TMEM164: variants seen among roughly 807,000 people sequenced by gnomAD.
TMEM164 encodes the protein transmembrane protein 164, also known as RP13-360B22.2.
TMEM164 carries 4 observed loss-of-function variants against 18.8 expected under a neutral mutation model. The observed-to-expected ratio is 0.21, with a 90% confidence interval of 0.10 to 0.49. The LOEUF (loss-of-function observed/expected upper bound fraction) is 0.49. TMEM164 is among the 20% of genes least tolerant of loss of function. The pLI, the probability that TMEM164 is intolerant of heterozygous loss-of-function variation, is 0.98. For missense variants in TMEM164, 108 were observed against 239.9 expected, an observed-to-expected ratio of 0.45 and a Z score of 3.63; for synonymous variants, 86 against 101.7, an observed-to-expected ratio of 0.85 and a Z score of 0.93.
intron 2 of TMEM164, among the ~76,000 whole-genome samples, chrX:110,034,986 C>T (rs1156912522): frequency 1.1e-4 from 11 of 99,313 alleles, no homozygotes; most frequent in African/African-American, 3.4e-4. Flanking sequence ...AACCAAACAC[C>T]GCATATTCTC....
chrX:110,095,075 T>A (rs1230901877), intron 3 of TMEM164, among the ~76,000 whole-genome samples: 2 of 112,334 alleles, frequency 1.8e-5, no homozygotes, highest in Non-Finnish European at 3.8e-5. Flanking sequence ...CTTCCCTTTG[T>A]GGGTAACCCG....
intron 5 of TMEM164, among the ~76,000 whole-genome samples, chrX:110,156,389 A>C (rs904155470): frequency 1.8e-5 from 2 of 112,255 alleles, no homozygotes; most frequent in African/African-American, 6.5e-5. Flanking sequence ...AGATTAAGAT[A>C]ATTAATATTG....
intron 2 of TMEM164, among the ~76,000 whole-genome samples, chrX:110,020,968 T>TAAA (rs147367236): frequency 1.4e-4 from 6 of 43,640 alleles, no homozygotes; most frequent in Admixed American, 3.2e-4. Flanking sequence ...CCCCTTTTTC[T>TAAA]AAAAAAAAAA....
intron 2 of TMEM164, among the ~76,000 whole-genome samples, chrX:110,008,582 T>C (rs963775554): frequency 9.0e-6 from 1 of 111,390 alleles, no homozygotes; most frequent in African/African-American, 3.3e-5. Flanking sequence ...CCAAGGAAAT[T>C]TGCAGAGAAT....
chrX:110,139,901 T>C (rs2066744380), intron 4 of TMEM164, among the ~76,000 whole-genome samples: 2 of 110,163 alleles, frequency 1.8e-5, no homozygotes, highest in Admixed American at 9.7e-5. Context: ...AGACACAAGG[T>C]GGTGGCTGGA....
At chrX:110,105,679 G>GACACACACACACAC (rs758900532) in intron 3 of TMEM164, among the ~76,000 whole-genome samples, 7 of 65,421 alleles carry the variant, frequency 1.1e-4, no homozygotes, top group Admixed American at 1.9e-4. Context: ...TAGAAACACA[G>GACACACACACACAC]ACACACACAC....
chrX:110,032,487 A>G lies in TMEM164; in HGVS notation c.390+28323A>G, dbSNP rs147531560. Among the ~76,000 whole-genome samples the G allele has an allele frequency of 1.9e-4, 21 of 111,074 alleles. No homozygotes were observed. In the East Asian group the frequency reaches 3.4e-3, roughly 18 times the overall value. On this transcript the variant is annotated intron_variant, in intron 2 of 6. Coordinates refer to ENST00000372068, the MANE Select transcript of TMEM164 (RefSeq NM_032227.4). ...TCTAAAAGCTTAGTTAATTGCCTTC[A>G]TTAGCTTAATATATACCACGTGAAA...
chrX:110,125,040 A>G (rs917749962), intron 4 of TMEM164, among the ~76,000 whole-genome samples: 2 of 112,450 alleles, frequency 1.8e-5, no homozygotes, highest in African/African-American at 6.5e-5. Flanking sequence ...AATCTAGCCA[A>G]ATCACTGTTC....
intron 4 of TMEM164, among the ~76,000 whole-genome samples, chrX:110,117,727 A>G (rs559277759): frequency 8.9e-6 from 1 of 112,559 alleles, no homozygotes; most frequent in African/African-American, 3.2e-5. Flanking sequence ...GAGGACTATA[A>G]AGAAAAAGCT....
chrX:110,125,055 C>T (rs1349309561), intron 4 of TMEM164, among the ~76,000 whole-genome samples: 1 of 112,367 alleles, frequency 8.9e-6, no homozygotes, highest in Non-Finnish European at 1.9e-5. Context: ...CTGTTCCAGT[C>T]TTCCTTCTAC....
At chrX:110,084,431 G>GTATAC (rs1569321038) in intron 3 of TMEM164, among the ~76,000 whole-genome samples, 1 of 69,758 alleles carries the variant, frequency 1.4e-5, no homozygotes, top group African/African-American at 5.6e-5. Context: ...ATATAGTATA[G>GTATAC]TATATATATA....
At chrX:110,036,061 T>A (rs991628078) in intron 2 of TMEM164, among the ~76,000 whole-genome samples, 20 of 111,672 alleles carry the variant, frequency 1.8e-4, no homozygotes, top group South Asian at 7.4e-4. Flanking sequence ...AAGCAAATTT[T>A]AAAAAAATGG....
chrX:110,085,205 G>C (rs1175073093), intron 3 of TMEM164, among the ~76,000 whole-genome samples: 3 of 104,669 alleles, frequency 2.9e-5, no homozygotes, highest in Middle Eastern at 4.3e-3. Context: ...CTGTTGCCCA[G>C]GCTGGAGTGC....
At chrX:110,147,073 G>T (rs1177860302) in intron 5 of TMEM164, among the ~76,000 whole-genome samples, 5 of 111,720 alleles carry the variant, frequency 4.5e-5, no homozygotes, top group Non-Finnish European at 7.5e-5. Context: ...CCTATGGTTT[G>T]GGGTGGGTGG....
At position 110,085,721 on chromosome X, in the gene TMEM164, G is replaced by A. The variant is rs549093074; in HGVS notation, c.440+18325G>A. On this transcript the variant is annotated intron_variant, in intron 3 of 6. Transcript: ENST00000372068. The stretch of plus-strand genomic sequence containing the variant: ...TACCCCTACTACAATGTTCTCAGAT[G>A]CTCTGAACCAGATAAACTATGTGAA... Among the ~76,000 whole-genome samples, 5 of 111,300 alleles carry A rather than the reference G, an allele frequency of 4.5e-5. No homozygotes were observed. The South Asian group carries it at 1.9e-3, about 42-fold the overall frequency.
chrX:110,022,272 T>C (rs994851646), intron 2 of TMEM164, among the ~76,000 whole-genome samples: 3 of 111,069 alleles, frequency 2.7e-5, no homozygotes, highest in African/African-American at 9.9e-5. Context: ...CCCAAAGCCT[T>C]GGGAGTGGAC....
intron 3 of TMEM164, among the ~76,000 whole-genome samples, chrX:110,103,551 T>A (rs1415488817): frequency 3.6e-5 from 4 of 110,050 alleles, no homozygotes; most frequent in Non-Finnish European, 7.6e-5. Context: ...GAGGTCTGGC[T>A]TTGGATTGGT....
chrX:110,009,917 G>A lies in TMEM164; in HGVS notation c.390+5753G>A, dbSNP rs375184483. Among the ~76,000 whole-genome samples, 10 of 108,983 alleles carry A rather than the reference G, an allele frequency of 9.2e-5. No homozygotes were observed. In the South Asian group the frequency reaches 3.3e-3, roughly 36 times the overall value. 94.6% of individuals were successfully genotyped at this position (108,983 alleles called of 115,157 possible). A position where few individuals can be genotyped will look rare whatever the true frequency, so the allele number is the denominator to read the frequency against. On this transcript the variant is annotated intron_variant, in intron 2 of 6. Transcript: ENST00000372068. ...CTGAGGCAGGAGAATCGCTTGAACCGAGGAGGCAGAGGTTGCAGTGAGCCG... is the reference window on the plus strand; with the variant it reads ...CTGAGGCAGGAGAATCGCTTGAACCAAGGAGGCAGAGGTTGCAGTGAGCCG...
At chrX:110,152,006 G>T (rs1451888132) in intron 5 of TMEM164, among the ~76,000 whole-genome samples, 2 of 106,773 alleles carry the variant, frequency 1.9e-5, no homozygotes, top group African/African-American at 6.8e-5. Flanking sequence ...TTCTTGCCAT[G>T]CAGGATTTTA....
Sources: gnomAD v4.1 joint callset for allele counts (sites outside exome capture counted in the v4.1 genomes callset) on GRCh38, gnomAD v4.1.1 for gene constraint, MANE v1.5 for transcripts, NCBI Gene and HGNC (gene_info 2026-07-23, HGNC 2026-07-21) for gene names.